Variants in SEC63 observed in about 807,000 individuals in gnomAD.
SEC63 encodes the protein SEC63 protein translocation regulator.
Under a neutral mutation model 116.2 loss-of-function variants are expected in SEC63, and 56 were observed. The observed-to-expected ratio is 0.48, with a 90% CI of 0.39 to 0.60. The LOEUF (loss-of-function observed/expected upper bound fraction) is 0.60. SEC63 is among the 20% of genes least tolerant of loss of function. SEC63 has a pLI of 0.00. For missense variants in SEC63, 668 were observed against 900.0 expected (o/e 0.74, Z 3.30); for synonymous variants, 273 against 294.6 (o/e 0.93, Z 0.75).
rs749125299 is a variant in SEC63, at chr6:107,876,670, C to CAAAAAAAAAA, written c.1936-18_1936-9dup. The CAAAAAAAAAA allele has an allele frequency of 7.0e-4, 535 of 759,580 alleles. 22 individuals are homozygous for CAAAAAAAAAA. Among genetic ancestry groups the CAAAAAAAAAA allele is most frequent in the South Asian group, 1.6e-3 (83 of 50,604 alleles). The allele number at this position is 759,580 out of a possible 1,614,324, so 47.1% of individuals were successfully genotyped here. A position where few individuals can be genotyped will look rare whatever the true frequency, so the allele number is the denominator to read the frequency against. On this transcript the variant is annotated splice_polypyrimidine_tract_variant and intron_variant, in intron 18 of 20. Coordinates refer to ENST00000369002, the MANE Select transcript of SEC63 (RefSeq NM_007214.5). ...CCACCATTCTTGTTTTTCCTGGAAACAAAAAAAAAAAAAAAAAAAGAAGAG... is the reference window on the plus strand; with the variant it reads ...CCACCATTCTTGTTTTTCCTGGAAACAAAAAAAAAAAAAAAAAAAAAAAAAAAAAGAAGAG...
intron 1 of SEC63, among the ~76,000 whole-genome samples, chr6:107,945,369 C>T (rs1770461117): frequency 6.8e-6 from 1 of 148,036 alleles, no homozygotes; most frequent in Non-Finnish European, 1.5e-5. Flanking sequence ...TGCAATGGTG[C>T]GATCTTGGCT....
chr6:107,881,682 C>T (rs1786417580), intron 17 of SEC63, among the ~76,000 whole-genome samples: 1 of 152,098 alleles, frequency 6.6e-6, no homozygotes, highest in Admixed American at 6.6e-5. Context: ...GTAAAGCCTC[C>T]CATAAATTTC....
intron 1 of SEC63, among the ~76,000 whole-genome samples, chr6:107,946,687 C>G (rs767609746): frequency 1.3e-5 from 2 of 152,170 alleles, no homozygotes; most frequent in African/African-American, 2.4e-5. Context: ...CTTTTTAAAA[C>G]AATTTAAAGT....
intron 16 of SEC63, among the ~76,000 whole-genome samples, chr6:107,888,850 T>C (rs1786603990): frequency 6.6e-6 from 1 of 152,188 alleles, no homozygotes; most frequent in Non-Finnish European, 1.5e-5. Context: ...GAGATAATCA[T>C]GTGGTTTTTG....
At chr6:107,899,702 G>A (rs1786953133) in intron 13 of SEC63, among the ~76,000 whole-genome samples, 1 of 139,606 alleles carries the variant, frequency 7.2e-6, no homozygotes, top group Admixed American at 7.7e-5. Context: ...CTGGGCAACA[G>A]AGCAAGACTG....
intron 4 of SEC63, among the ~76,000 whole-genome samples, chr6:107,921,592 C>T (rs568445515): frequency 6.6e-6 from 1 of 152,140 alleles, no homozygotes; most frequent in African/African-American, 2.4e-5. Flanking sequence ...GCTAGGACTA[C>T]AGGCACACAC....
At chr6:107,933,960 T>C (rs1787869596) in intron 1 of SEC63, among the ~76,000 whole-genome samples, 1 of 152,176 alleles carries the variant, frequency 6.6e-6, no homozygotes, top group African/African-American at 2.4e-5. Context: ...TAACCGCGAG[T>C]GATCCGCCAG....
chr6:107,900,995 A>T (rs1172814472), intron 13 of SEC63, among the ~76,000 whole-genome samples: 3 of 152,346 alleles, frequency 2.0e-5, no homozygotes, highest in East Asian at 1.9e-4. Context: ...GGTTTTAAAA[A>T]TTTAATTTTA....
In SEC63 at chr6:107,897,655, T is replaced by C. The variant is rs534999346; in HGVS notation, c.1434A>G (p.Thr478=). Residue 478 remains threonine, a synonymous_variant, in exon 14 of 21, where the codon ACA becomes ACG. Transcript: ENST00000369002. The part of the protein sequence containing the change: ...VTVLVKLTRQ[T]MAEVFEKEQS... ...ATACAGATAGACTACTTACAGCCAT[T>C]GTTTGCCTTGTCAACTTAACCAACA... 1.2e-5 allele frequency: 19 copies of C among 1,592,924 alleles called. No homozygotes were observed. The highest frequency in any genetic ancestry group is 1.6e-5 in the Non-Finnish European group (19 of 1,160,972).
intron 17 of SEC63, among the ~76,000 whole-genome samples, chr6:107,882,491 T>G (rs749210541): frequency 3.3e-5 from 5 of 152,172 alleles, no homozygotes; most frequent in Non-Finnish European, 7.3e-5. Context: ...CCTTAATATA[T>G]CTTATATACA....
Position 107,929,462 on chromosome 6 carries a change from A to G in SEC63, c.177T>C (p.Tyr59=). The change falls in exon 2 of 21, where the codon TAT becomes TAC. Residue 59 remains tyrosine (Y), a synonymous_variant. Coordinates refer to ENST00000369002, the MANE Select transcript of SEC63 (RefSeq NM_007214.5). ...GCTGGGGTTTTAATAACCGTAAACG[A>G]TACCACATACACCTTCCATATACTT... ...IRKVYGRCMW[Y]RLRLLKPQPN... 6.2e-7 allele frequency: 1 copy of G among 1,602,294 alleles called. No individual in the cohort carries two copies. The highest frequency in any genetic ancestry group is 1.7e-5 in the Admixed American group (1 of 60,004).
chr6:107,950,073 G>A (rs1291407243), intron 1 of SEC63, among the ~76,000 whole-genome samples: 3 of 152,128 alleles, frequency 2.0e-5, no homozygotes, highest in Admixed American at 6.5e-5. Context: ...GACACAAACA[G>A]ATTGAAGGTG....
chr6:107,951,320 G>A (rs542345455), intron 1 of SEC63, among the ~76,000 whole-genome samples: 3 of 152,312 alleles, frequency 2.0e-5, no homozygotes, highest in South Asian at 4.1e-4. Context: ...AGACAACTAT[G>A]ATAAACTGAT....
chr6:107,952,008 A>G (rs1770589366), intron 1 of SEC63, among the ~76,000 whole-genome samples: 1 of 151,982 alleles, frequency 6.6e-6, no homozygotes, highest in Non-Finnish European at 1.5e-5. Flanking sequence ...AGTGATTCTA[A>G]TGTGTAGCCA....
intron 2 of SEC63, among the ~76,000 whole-genome samples, chr6:107,926,798 C>T (rs529600238): frequency 6.6e-6 from 1 of 151,950 alleles, no homozygotes; most frequent in African/African-American, 2.4e-5. Context: ...TATGCTAAAC[C>T]GTATGTTTTA....
chr6:107,918,066 T>C (rs1787455553), intron 4 of SEC63, among the ~76,000 whole-genome samples: 1 of 152,208 alleles, frequency 6.6e-6, no homozygotes, highest in Non-Finnish European at 1.5e-5. Context: ...GGGCTAACGT[T>C]GCTGGCGACT....
chr6:107,911,422 T>C (rs983340147), intron 6 of SEC63, 26 bp from the exon 7 acceptor site: 56 of 1,508,156 alleles, frequency 3.7e-5, no homozygotes, highest in African/African-American at 1.1e-4. Context: ...AAAAGAATTA[T>C]GGCCTTCGTC....
chr6:107,957,998 CT>C lies in SEC63; in HGVS notation c.11del (p.Gln4ArgfsTer24). On this transcript the variant is annotated frameshift_variant, in exon 1 of 21. Coordinates refer to ENST00000369002, the MANE Select transcript of SEC63 (RefSeq NM_007214.5). LOFTEE classifies it high-confidence loss of function. ...TCCCACTGTCATCGTACTGGAACTG[CT>C]GCCCGGCCATGGCACCCCCTCCTCC... MAGQQFQYDDSGNT... is the reference protein window; with the variant it reads MAGXQFQYDDSGNT... The C allele has an allele frequency of 6.2e-7, 1 of 1,613,416 alleles. No homozygotes were observed. The highest frequency in any genetic ancestry group is 8.5e-7 in the Non-Finnish European group (1 of 1,179,552).
rs542893882 is a variant in SEC63, at chr6:107,898,063, G to A, written c.1358-332C>T. On this transcript the variant is annotated intron_variant, in intron 13 of 20. Transcript: ENST00000369002. ...GCGGATGGCATGAGCTCAGGAATTCGAGACCAGCAGGGCAACATGACAAAA... is the reference window on the plus strand; with the variant it reads ...GCGGATGGCATGAGCTCAGGAATTCAAGACCAGCAGGGCAACATGACAAAA... Among the ~76,000 whole-genome samples, 8 of 152,092 alleles carry A rather than the reference G, an allele frequency of 5.3e-5. No homozygotes were observed. The East Asian group carries it at 1.5e-3, about 29-fold the overall frequency.
Sources: gnomAD v4.1 joint callset for allele counts (sites outside exome capture counted in the v4.1 genomes callset) on GRCh38, gnomAD v4.1.1 for gene constraint, MANE v1.5 for transcripts, NCBI Gene and HGNC (gene_info 2026-07-23, HGNC 2026-07-21) for gene names.